Variants in GLT1D1 observed in about 807,000 individuals in gnomAD.
The protein encoded by GLT1D1 is glycosyltransferase 1 domain containing 1.
A neutral mutation model predicts 28.7 loss-of-function variants in GLT1D1; 21 were observed. That is an observed-to-expected ratio of 0.73 (90% CI 0.52 to 1.05). The LOEUF (loss-of-function observed/expected upper bound fraction) is 1.05, where lower values mean the gene tolerates loss of function less well. Among genes scored for constraint, GLT1D1 ranks in the 50% least tolerant of loss-of-function variants. The probability of loss-of-function intolerance (pLI) is 0.00; values close to 1 mark genes in which losing one functional copy is unlikely to be tolerated. For synonymous variants in GLT1D1, 147 were observed against 124.8 expected (o/e 1.18, Z -1.19); for missense variants, 343 against 330.6 (o/e 1.04, Z -0.29).
chr12:128,856,245 G>A (rs1361120693), intron 1 of GLT1D1, among the ~76,000 whole-genome samples: 6 of 152,198 alleles, frequency 3.9e-5, no homozygotes, highest in East Asian at 1.9e-4. Flanking sequence ...GGTTTTGGTC[G>A]GTCTTGGCTG....
chr12:128,866,389 T>C (rs1355276695), intron 1 of GLT1D1, among the ~76,000 whole-genome samples: 1 of 151,948 alleles, frequency 6.6e-6, no homozygotes, highest in East Asian at 1.9e-4. Flanking sequence ...TTATTTTTTG[T>C]AGTGAAAACA....
chr12:128,907,049 G>A, intron 4 of GLT1D1: 2 of 686,706 alleles, frequency 2.9e-6, no homozygotes, highest in Admixed American at 4.2e-5. Flanking sequence ...GAAGCATGCT[G>A]TCTTTTGAGC....
intron 4 of GLT1D1, among the ~76,000 whole-genome samples, chr12:128,942,024 C>T (rs927724627): frequency 1.3e-5 from 2 of 150,504 alleles, no homozygotes; most frequent in Admixed American, 1.3e-4. Flanking sequence ...GGCTCTGCTG[C>T]CATTTGATGT....
At chr12:128,939,799 G>A (rs975705850) in intron 4 of GLT1D1, among the ~76,000 whole-genome samples, 2 of 150,026 alleles carry the variant, frequency 1.3e-5, no homozygotes, top group East Asian at 2.0e-4. Flanking sequence ...GAACTCCATC[G>A]CGAGACAACA....
chr12:128,928,765 C>T (rs975178603), intron 4 of GLT1D1, among the ~76,000 whole-genome samples: 2 of 151,834 alleles, frequency 1.3e-5, no homozygotes, highest in Admixed American at 6.6e-5. Context: ...GGATTATAGG[C>T]GCCTGCCACC....
At chr12:128,973,919 G>GGT (rs61317527) in intron 7 of GLT1D1, among the ~76,000 whole-genome samples, 13,484 of 100,254 alleles carry the variant, frequency 0.13, 2,007 homozygotes, top group African/African-American at 0.36. Context: ...GTGTGTAGGG[G>GGT]GTGTGTGTGT....
At chr12:128,905,248 G>C (rs1386842498) in intron 4 of GLT1D1, among the ~76,000 whole-genome samples, 1 of 152,220 alleles carries the variant, frequency 6.6e-6, no homozygotes, top group African/African-American at 2.4e-5. Context: ...TGTGTGTGAA[G>C]TCTTTGAAAT....
intron 4 of GLT1D1, among the ~76,000 whole-genome samples, chr12:128,943,889 T>G (rs1379973400): frequency 6.6e-6 from 1 of 152,234 alleles, no homozygotes; most frequent in Admixed American, 6.5e-5. Flanking sequence ...TCACATATTT[T>G]CCCCCAATGA....
At chr12:128,903,263 G>A (rs1870489571) in intron 4 of GLT1D1, among the ~76,000 whole-genome samples, 1 of 151,620 alleles carries the variant, frequency 6.6e-6, no homozygotes. Context: ...ACCTTAGCTG[G>A]GATGGTGGGG....
intron 7 of GLT1D1, among the ~76,000 whole-genome samples, chr12:128,980,425 A>G (rs894320147): frequency 1.3e-5 from 2 of 152,250 alleles, no homozygotes; most frequent in African/African-American, 4.8e-5. Flanking sequence ...CTGTGTAACT[A>G]AGAATCCCAA....
At chr12:128,894,203 C>G (rs935903967) in intron 3 of GLT1D1, among the ~76,000 whole-genome samples, 1 of 152,070 alleles carries the variant, frequency 6.6e-6, no homozygotes, top group African/African-American at 2.4e-5. Flanking sequence ...AGCGTGAGAT[C>G]CTCTCCGTCC....
intron 1 of GLT1D1, among the ~76,000 whole-genome samples, chr12:128,855,987 C>T (rs1182125716): frequency 3.3e-5 from 5 of 152,014 alleles, no homozygotes; most frequent in South Asian, 2.1e-4. Context: ...CCTGACCTCA[C>T]GTGATCCTTT....
intron 2 of GLT1D1, among the ~76,000 whole-genome samples, chr12:128,882,021 G>A (rs1957072310): frequency 6.6e-6 from 1 of 151,706 alleles, no homozygotes; most frequent in South Asian, 2.1e-4. Flanking sequence ...AGGATCAAAG[G>A]GTATATGCAT....
At chr12:128,894,559 G>A (rs1389994277) in intron 3 of GLT1D1, among the ~76,000 whole-genome samples, 4 of 151,848 alleles carry the variant, frequency 2.6e-5, no homozygotes, top group Non-Finnish European at 4.4e-5. Flanking sequence ...ATGGACTCGT[G>A]GGGGCCGGGC....
chr12:128,869,309 A>G (rs1956625759), intron 1 of GLT1D1, among the ~76,000 whole-genome samples: 1 of 151,850 alleles, frequency 6.6e-6, no homozygotes. Context: ...TGGGACTACT[A>G]CAGGCGTGAA....
chr12:128,893,100 C>G (rs1869247714), intron 3 of GLT1D1, among the ~76,000 whole-genome samples: 1 of 152,048 alleles, frequency 6.6e-6, no homozygotes, highest in Admixed American at 6.6e-5. Context: ...CAAAAATTAG[C>G]TGGGCATGGT....
intron 6 of GLT1D1, among the ~76,000 whole-genome samples, chr12:128,954,366 G>T (rs1877058422): frequency 6.7e-6 from 1 of 149,208 alleles, no homozygotes; most frequent in African/African-American, 2.5e-5. Context: ...TCCTGACCTT[G>T]TGATCCTCCC....
chr12:128,980,049 G>T (rs549857923), intron 7 of GLT1D1, among the ~76,000 whole-genome samples: 1 of 152,194 alleles, frequency 6.6e-6, no homozygotes, highest in Non-Finnish European at 1.5e-5. Flanking sequence ...ATCATAAGTC[G>T]GGACTGTTTG....
At chr12:128,959,416 GGGGAC>G (rs201031987) in intron 7 of GLT1D1, among the ~76,000 whole-genome samples, 31 of 89,526 alleles carry the variant, frequency 3.5e-4, no homozygotes, top group South Asian at 5.3e-4. Context: ...GGCAGTGGGG[GGGGAC>G]GGGTGGGGAG....
Sources: gnomAD v4.1 joint callset for allele counts (sites outside exome capture counted in the v4.1 genomes callset) on GRCh38, gnomAD v4.1.1 for gene constraint, MANE v1.5 for transcripts, NCBI Gene and HGNC (gene_info 2026-07-23, HGNC 2026-07-21) for gene names.